PRKN: variants seen among roughly 807,000 people sequenced by gnomAD.
The protein encoded by PRKN is parkin RBR E3 ubiquitin protein ligase, also known as E3 ubiquitin-protein ligase parkin.
A neutral mutation model predicts 59.5 loss-of-function variants in PRKN; 56 were observed. The ratio of observed to expected loss-of-function variants is 0.94; its 90% CI spans 0.76 to 1.18. The LOEUF (loss-of-function observed/expected upper bound fraction) is 1.18. Ranked by LOEUF, PRKN falls within the 50% of genes most tolerant of loss-of-function variation. PRKN has a pLI of 0.00. For missense variants in PRKN, 657 were observed against 596.4 expected (o/e 1.10, Z -1.06); for synonymous variants, 250 against 222.1 (o/e 1.13, Z -1.12).
intron 4 of PRKN, among the ~76,000 whole-genome samples, chr6:162,133,521 C>T (rs551750321): frequency 1.3e-5 from 2 of 152,106 alleles, no homozygotes; most frequent in African/African-American, 2.4e-5. Flanking sequence ...ATCCTACTAT[C>T]CAATGGGTAG....
Position 161,352,125 on chromosome 6 carries a change from T to C in PRKN, c.1286-1914A>G, listed in dbSNP as rs1168422984. Among the ~76,000 whole-genome samples the C allele has an allele frequency of 1.3e-5, 2 of 152,202 alleles. No individual in the cohort carries two copies. Among genetic ancestry groups the C allele is most frequent in the East Asian group, 3.8e-4 (2 of 5,200 alleles). ...TTCTTTGCTTGAATCCCACCTAGCG[T>C]TGAAGGTGCTCCATTACTCACTCTT... On this transcript the variant is annotated intron_variant, in intron 11 of 11. Transcript: ENST00000366898. This position sits in a 1 kb window ranked among gnomAD's most constrained non-coding sequence, Gnocchi z 5.8.
chr6:162,416,280 T>A (rs1156317578), intron 2 of PRKN, among the ~76,000 whole-genome samples: 1 of 152,132 alleles, frequency 6.6e-6, no homozygotes, highest in Non-Finnish European at 1.5e-5. Flanking sequence ...ACCATTTGAA[T>A]CCCCCAGACC....
intron 7 of PRKN, among the ~76,000 whole-genome samples, chr6:161,637,619 T>C (rs1187157688): frequency 2.0e-5 from 3 of 152,064 alleles, no homozygotes. Context: ...AGGCCTGTTG[T>C]CAACTCTAAA....
At chr6:162,648,471 C>T (rs1037065085) in intron 1 of PRKN, among the ~76,000 whole-genome samples, 14 of 151,742 alleles carry the variant, frequency 9.2e-5, no homozygotes, top group Admixed American at 8.5e-4. Context: ...AACCTCCGCC[C>T]GCCGGGTTCA....
At chr6:161,666,442 C>T (rs1784729054) in intron 7 of PRKN, among the ~76,000 whole-genome samples, 1 of 152,190 alleles carries the variant, frequency 6.6e-6, no homozygotes, top group Admixed American at 6.5e-5. Context: ...TCCACTCACC[C>T]TGTTTGTGGA....
chr6:162,101,973 C>G (rs369774862), intron 4 of PRKN, among the ~76,000 whole-genome samples: 13 of 152,280 alleles, frequency 8.5e-5, no homozygotes, highest in East Asian at 7.7e-4. Flanking sequence ...AATCCACAGG[C>G]CTGATGTAAG....
intron 7 of PRKN, among the ~76,000 whole-genome samples, chr6:161,586,469 A>C (rs1781524938): frequency 6.6e-6 from 1 of 152,170 alleles, no homozygotes; most frequent in Non-Finnish European, 1.5e-5. Context: ...CTCATGATGC[A>C]AGCGCTTATT....
intron 2 of PRKN, among the ~76,000 whole-genome samples, chr6:162,295,273 T>C (rs1781616092): frequency 6.6e-6 from 1 of 152,220 alleles, no homozygotes; most frequent in African/African-American, 2.4e-5. Flanking sequence ...TGTGTCCACT[T>C]AGGGCCAAAA....
intron 2 of PRKN, among the ~76,000 whole-genome samples, chr6:162,391,259 C>G (rs769435155): frequency 6.6e-6 from 1 of 151,438 alleles, no homozygotes; most frequent in Admixed American, 6.6e-5. Context: ...GCATGCTTGA[C>G]GTGGATTTCG....
At chr6:162,524,604 T>C (rs1402827625) in intron 1 of PRKN, among the ~76,000 whole-genome samples, 1 of 152,190 alleles carries the variant, frequency 6.6e-6, no homozygotes, top group African/African-American at 2.4e-5. Context: ...GTGAATTCTT[T>C]ACAAAGTCAA....
intron 6 of PRKN, among the ~76,000 whole-genome samples, chr6:161,820,860 G>A (rs565958154): frequency 6.6e-6 from 1 of 151,674 alleles, no homozygotes. Flanking sequence ...TGCGTATGAA[G>A]AAAATCATTA....
chr6:161,555,503 T>C (rs948252240), intron 8 of PRKN, among the ~76,000 whole-genome samples: 9 of 152,194 alleles, frequency 5.9e-5, no homozygotes, highest in African/African-American at 2.2e-4. Flanking sequence ...TCTGTTCTGG[T>C]GTTTTAGGCA....
intron 7 of PRKN, among the ~76,000 whole-genome samples, chr6:161,570,172 C>CACAT (rs1256626378): frequency 8.3e-6 from 1 of 120,966 alleles, no homozygotes; most frequent in Non-Finnish European, 1.7e-5. Context: ...TATATATGCA[C>CACAT]ACATACACAC....
chr6:161,828,958 G>A (rs1474618726), intron 6 of PRKN, among the ~76,000 whole-genome samples: 2 of 151,796 alleles, frequency 1.3e-5, no homozygotes, highest in Admixed American at 6.6e-5. Context: ...CGGTTGCGAC[G>A]GCTCACACCT....
At chr6:162,499,127 T>G (rs1005469734) in intron 1 of PRKN, among the ~76,000 whole-genome samples, 8 of 152,140 alleles carry the variant, frequency 5.3e-5, no homozygotes, top group African/African-American at 1.7e-4. Flanking sequence ...ATCTGGCCTC[T>G]CCCTGTTTCC....
chr6:162,527,717 T>A (rs757677886), intron 1 of PRKN, among the ~76,000 whole-genome samples: 3 of 152,170 alleles, frequency 2.0e-5, no homozygotes, highest in Non-Finnish European at 2.9e-5. Context: ...CATGTGTGTT[T>A]TAATTTTTAA....
At chr6:162,580,558 G>A (rs117795802) in intron 1 of PRKN, among the ~76,000 whole-genome samples, 2,865 of 136,014 alleles carry the variant, frequency 0.021, 79 homozygotes, top group Admixed American at 0.046. Flanking sequence ...GGATAACAAT[G>A]GCAAACAGAG....
At chr6:162,518,455 T>A (rs1307657426) in intron 1 of PRKN, among the ~76,000 whole-genome samples, 1 of 152,176 alleles carries the variant, frequency 6.6e-6, no homozygotes, top group Non-Finnish European at 1.5e-5. Context: ...AACCTCTGCC[T>A]CCCAGGTTCA....
rs571780008 is a variant in PRKN, at chr6:162,055,137, G to A, written c.535-963C>T. Among the ~76,000 whole-genome samples the A allele has an allele frequency of 1.1e-3, 166 of 152,246 alleles. 1 individual carries two copies. The highest frequency in any genetic ancestry group is 3.8e-3 in the African/African-American group (156 of 41,558). On this transcript the variant is annotated intron_variant, in intron 4 of 11. Coordinates refer to ENST00000366898, the MANE Select transcript of PRKN (RefSeq NM_004562.3). ...AGATTGTGCCACTGCACTCCAGTCT[G>A]GGTGACATAGCAAGACTCCATCTCA...
Sources: gnomAD v4.1 joint callset for allele counts (sites outside exome capture counted in the v4.1 genomes callset) on GRCh38, gnomAD v4.1.1 for gene constraint, Gnocchi (gnomAD v3.1) non-coding constraint, MANE v1.5 for transcripts, NCBI Gene and HGNC (gene_info 2026-07-23, HGNC 2026-07-21) for gene names.